Variants in SUGCT observed in about 807,000 individuals in gnomAD.
SUGCT encodes succinyl-CoA:glutarate-CoA transferase, also known as succinyl-CoA:glutarate CoA-transferase.
A neutral mutation model predicts 55.0 loss-of-function variants in SUGCT; 41 were observed. The observed-to-expected ratio is 0.74, with a 90% confidence interval of 0.58 to 0.97. The LOEUF is 0.97. SUGCT is among the 50% of genes least tolerant of loss of function. The pLI is 0.00. For synonymous variants in SUGCT, 187 were observed against 200.4 expected, an observed-to-expected ratio of 0.93 and a Z score of 0.56; for missense variants, 568 against 547.8, an observed-to-expected ratio of 1.04 and a Z score of -0.37.
intron 11 of SUGCT, among the ~76,000 whole-genome samples, chr7:40,477,674 T>C (rs1790777814): frequency 6.6e-6 from 1 of 152,196 alleles, no homozygotes. Context: ...AAATGTAAAA[T>C]AGTAAATTTT....
At chr7:40,148,375 T>C (rs959670004) in intron 1 of SUGCT, among the ~76,000 whole-genome samples, 1 of 152,158 alleles carries the variant, frequency 6.6e-6, no homozygotes, top group Non-Finnish European at 1.5e-5. Context: ...CCGGGCGCGG[T>C]GGCTCATGCT....
In SUGCT at chr7:40,357,093, G is replaced by A. The variant is rs771555212; in HGVS notation, c.816+40238G>A. Among the ~76,000 whole-genome samples the A allele has an allele frequency of 1.9e-4, 29 of 152,106 alleles. 1 individual carries two copies. Among genetic ancestry groups the A allele is most frequent in the Admixed American group, 2.0e-4 (3 of 15,266 alleles). On this transcript the variant is annotated intron_variant, in intron 9 of 13. Coordinates refer to ENST00000335693, the MANE Select transcript of SUGCT (RefSeq NM_001193313.2). ...GGTTTTCTTTGCTTGGCTCAAAAAC[G>A]AACCACTCAGAAACTTACTTTGGTT... is the stretch of plus-strand genomic sequence containing the variant.
At chr7:40,407,739 C>T (rs894588410) in intron 9 of SUGCT, among the ~76,000 whole-genome samples, 6 of 152,106 alleles carry the variant, frequency 3.9e-5, no homozygotes, top group African/African-American at 1.4e-4. Flanking sequence ...CCCCCTCCCC[C>T]AATTTACGAA....
chr7:40,754,360 C>T (rs1379255360), intron 13 of SUGCT, among the ~76,000 whole-genome samples: 1 of 152,166 alleles, frequency 6.6e-6, no homozygotes, highest in East Asian at 1.9e-4. Flanking sequence ...GAAGTGTCAG[C>T]ATGATAGGCA....
chr7:40,776,411 A>G (rs1285323653), intron 13 of SUGCT, among the ~76,000 whole-genome samples: 1 of 152,188 alleles, frequency 6.6e-6, no homozygotes, highest in Non-Finnish European at 1.5e-5. Flanking sequence ...CAAACTGATT[A>G]CATCACTATT....
At chr7:40,416,513 C>A (rs1161922735) in intron 9 of SUGCT, among the ~76,000 whole-genome samples, 1 of 151,620 alleles carries the variant, frequency 6.6e-6, no homozygotes, top group Non-Finnish European at 1.5e-5. Flanking sequence ...ACTTTTAGTA[C>A]CATTTATGAA....
At chr7:41,012,344 G>T in the SUGCT span, among the ~76,000 whole-genome samples, 1 of 152,130 alleles carries the variant, frequency 6.6e-6, no homozygotes, top group Non-Finnish European at 1.5e-5. Flanking sequence ...AACTATAATG[G>T]CTAAACGCAG....
chr7:40,898,886 C>CAA, the SUGCT span, among the ~76,000 whole-genome samples: 1 of 151,828 alleles, frequency 6.6e-6, no homozygotes, highest in African/African-American at 2.4e-5. Context: ...CAGGGACAGT[C>CAA]AAAACTTCCT....
At position 40,194,626 on chromosome 7, in the gene SUGCT, CT is replaced by C. The variant is rs375966038; in HGVS notation, c.364-313del. Among the ~76,000 whole-genome samples the C allele has an allele frequency of 6.0e-4, 92 of 152,276 alleles. 2 individuals carry two copies. The South Asian group carries it at 0.018, about 29-fold the overall frequency. On this transcript the variant is annotated intron_variant, in intron 5 of 13. Coordinates refer to ENST00000335693, the MANE Select transcript of SUGCT (RefSeq NM_001193313.2). ...TTCATTGATTTAGTGTACTTACATT[CT>C]AATTTTTCTACCTAATCTTTTGAGA...
chr7:40,203,194 G>A (rs1026111864), intron 6 of SUGCT, among the ~76,000 whole-genome samples: 5 of 152,132 alleles, frequency 3.3e-5, no homozygotes, highest in Admixed American at 2.6e-4. Flanking sequence ...TTCAGCTGAA[G>A]GTTTTATTTA....
rs137978917 is a variant in SUGCT at position 40,771,806 on chromosome 7, T to A, written c.1153+22309T>A. 1.3e-3 allele frequency among the ~76,000 whole-genome samples: 204 copies of A among 152,332 alleles called. 1 individual carries two copies. The highest frequency in any genetic ancestry group is 6.8e-3 in the Middle Eastern group (2 of 294). The stretch of plus-strand genomic sequence containing the variant: ...AGAGATTATATTGGAAATTGTAATG[T>A]ATTACAGTAGCTATTCACTGAGACT... On this transcript the variant is annotated intron_variant, in intron 13 of 13. Transcript: ENST00000335693.
intron 13 of SUGCT, among the ~76,000 whole-genome samples, chr7:40,799,534 C>T (rs1353758242): frequency 6.6e-6 from 1 of 152,102 alleles, no homozygotes; most frequent in Non-Finnish European, 1.5e-5. Context: ...CTTTACCATT[C>T]ATAAAATATT....
At chr7:40,164,259 C>A (rs923550218) in intron 1 of SUGCT, among the ~76,000 whole-genome samples, 2 of 152,036 alleles carry the variant, frequency 1.3e-5, no homozygotes, top group African/African-American at 4.8e-5. Context: ...TCCCAAGTAG[C>A]AGGGACTACA....
chr7:40,823,162 C>T (rs892925164), intron 13 of SUGCT, among the ~76,000 whole-genome samples: 7 of 152,126 alleles, frequency 4.6e-5, no homozygotes, highest in African/African-American at 1.7e-4. Context: ...TACCATACAT[C>T]CTATTTGAAT....
intron 12 of SUGCT, among the ~76,000 whole-genome samples, chr7:40,648,196 C>G (rs1156257725): frequency 6.6e-6 from 1 of 152,148 alleles, no homozygotes; most frequent in Non-Finnish European, 1.5e-5. Context: ...TTTCAGTGTA[C>G]TTTCCCTAAG....
the SUGCT span, among the ~76,000 whole-genome samples, chr7:40,876,860 C>A: frequency 6.6e-6 from 1 of 152,272 alleles, no homozygotes. Context: ...GGTTGTGCAG[C>A]CACTGCTCCT....
At chr7:40,953,580 G>T in the SUGCT span, among the ~76,000 whole-genome samples, 2 of 152,278 alleles carry the variant, frequency 1.3e-5, no homozygotes, top group African/African-American at 4.8e-5. Context: ...CATCTTTGTG[G>T]TTTTATCTAC....
chr7:40,914,686 G>T, the SUGCT span, among the ~76,000 whole-genome samples: 1 of 152,144 alleles, frequency 6.6e-6, no homozygotes, highest in Admixed American at 6.5e-5. Flanking sequence ...ATGTTGTTTG[G>T]TAGTGTAGCC....
chr7:40,866,587 G>A, the SUGCT span, among the ~76,000 whole-genome samples: 2 of 151,624 alleles, frequency 1.3e-5, no homozygotes, highest in African/African-American at 2.4e-5. Context: ...CACAAGTGCA[G>A]TGGGAGAAGT....
Sources: allele counts gnomAD v4.1 joint callset (sites outside exome capture counted in the v4.1 genomes callset), GRCh38; gene constraint gnomAD v4.1.1; transcripts MANE v1.5; gene names NCBI Gene and HGNC (gene_info 2026-07-23, HGNC 2026-07-21).